The following RGS7 variants were observed in gnomAD, a reference collection of about 807,000 sequenced individuals.
The protein encoded by RGS7 is regulator of G-protein signaling 7.
Under a neutral mutation model 81.1 loss-of-function variants are expected in RGS7, and 27 were observed. The ratio of observed to expected loss-of-function variants is 0.33; its 90% CI spans 0.25 to 0.46. RGS7 has a LOEUF of 0.46. Among genes scored for constraint, RGS7 ranks in the 20% least tolerant of loss-of-function variants. The pLI, the probability that RGS7 is intolerant of heterozygous loss-of-function variation, is 1.00. For missense variants in RGS7, 396 were observed against 607.4 expected (o/e 0.65, Z 3.66); for synonymous variants, 208 against 207.7 (o/e 1.00, Z -0.01).
At chr1:241,267,994 T>C (rs7555920) in intron 2 of RGS7, among the ~76,000 whole-genome samples, 129,314 of 152,206 alleles carry the variant, frequency 0.85, 55,131 homozygotes, top group East Asian at 1. Context: ...CTAAAACATT[T>C]GTATTTCTTG....
chr1:241,071,717 A>T (rs775731517), intron 3 of RGS7, among the ~76,000 whole-genome samples: 10 of 151,222 alleles, frequency 6.6e-5, no homozygotes, highest in South Asian at 2.1e-4. Context: ...AAAAAAATTT[A>T]AAAAAAATTA....
intron 3 of RGS7, among the ~76,000 whole-genome samples, chr1:241,059,659 T>C (rs1033868635): frequency 5.3e-5 from 8 of 152,280 alleles, no homozygotes; most frequent in Admixed American, 5.2e-4. Flanking sequence ...CCTATGCCTT[T>C]GAAGCACCAC....
At chr1:241,280,080 A>T (rs1049523224) in intron 2 of RGS7, among the ~76,000 whole-genome samples, 1 of 152,172 alleles carries the variant, frequency 6.6e-6, no homozygotes, top group Non-Finnish European at 1.5e-5. Context: ...TCAGAACAAG[A>T]TCTTACTTGG....
At chr1:241,001,485 T>A (rs1340986279) in intron 3 of RGS7, among the ~76,000 whole-genome samples, 1 of 152,090 alleles carries the variant, frequency 6.6e-6, no homozygotes, top group Non-Finnish European at 1.5e-5. Context: ...GGCTGATAAA[T>A]ATGAATTCAC....
chr1:241,150,109 C>T (rs1484032350), intron 2 of RGS7, among the ~76,000 whole-genome samples: 5 of 151,988 alleles, frequency 3.3e-5, no homozygotes, highest in South Asian at 2.1e-4. Flanking sequence ...GGGTACAATG[C>T]GTATGAGCTA....
chr1:240,844,287 C>A (rs1036075691), intron 9 of RGS7, among the ~76,000 whole-genome samples: 5 of 152,120 alleles, frequency 3.3e-5, no homozygotes, highest in African/African-American at 1.2e-4. Context: ...CCCCTTCCCT[C>A]CCCGACACCT....
intron 3 of RGS7, 63 bp downstream of exon 3, chr1:241,098,603 C>A: frequency 9.4e-7 from 1 of 1,061,150 alleles, no homozygotes; most frequent in South Asian, 1.3e-5. Context: ...CAGCTGGAAT[C>A]AGTTTTAAAG....
chr1:240,839,463 A>G (rs1695257165), intron 9 of RGS7, among the ~76,000 whole-genome samples: 1 of 152,246 alleles, frequency 6.6e-6, no homozygotes, highest in Admixed American at 6.5e-5. Context: ...AACTGTAACA[A>G]ATAAAATGTG....
intron 2 of RGS7, among the ~76,000 whole-genome samples, chr1:241,146,505 C>T (rs1000061648): frequency 1.2e-4 from 19 of 152,134 alleles, no homozygotes; most frequent in African/African-American, 4.6e-4. Context: ...CGATTGTTCC[C>T]CTATCCTTGC....
At chr1:240,843,873 C>T (rs1287324908) in intron 9 of RGS7, among the ~76,000 whole-genome samples, 2 of 144,354 alleles carry the variant, frequency 1.4e-5, no homozygotes, top group Non-Finnish European at 3.0e-5. Flanking sequence ...ACAATTTGTG[C>T]ATCTGGGGAA....
chr1:241,087,999 CACACACACATATATATAT>C (rs2063569803), intron 3 of RGS7, among the ~76,000 whole-genome samples: 1 of 100,530 alleles, frequency 9.9e-6, no homozygotes, highest in African/African-American at 5.4e-5. Context: ...TATATATACA[CACACACACATATATATAT>C]ACACACACAC....
intron 2 of RGS7, among the ~76,000 whole-genome samples, chr1:241,180,046 A>C (rs957802873): frequency 3.9e-5 from 6 of 152,168 alleles, no homozygotes. Flanking sequence ...GCCAGGTATG[A>C]GATGGATATG....
chr1:241,026,767 T>C (rs565168142), intron 3 of RGS7, among the ~76,000 whole-genome samples: 2 of 151,916 alleles, frequency 1.3e-5, no homozygotes, highest in Admixed American at 1.3e-4. Flanking sequence ...TTAAGTACTG[T>C]GTGAAAATCA....
chr1:240,855,308 C>CAAAAAGA (rs1553325902), intron 9 of RGS7, among the ~76,000 whole-genome samples: 70 of 14,924 alleles, frequency 4.7e-3, no homozygotes, highest in African/African-American at 0.012. Flanking sequence ...GACCATGTCT[C>CAAAAAGA]AAAAAAAAAA....
chr1:241,077,751 G>T (rs1013532599), intron 3 of RGS7, among the ~76,000 whole-genome samples: 2 of 152,158 alleles, frequency 1.3e-5, no homozygotes, highest in Admixed American at 1.3e-4. Context: ...CTTGTTCACT[G>T]GGTAAAGTGA....
chr1:241,319,078 G>T (rs1419776100), intron 2 of RGS7, among the ~76,000 whole-genome samples: 1 of 152,134 alleles, frequency 6.6e-6, no homozygotes, highest in African/African-American at 2.4e-5. Flanking sequence ...AGCTCAACTT[G>T]AAATCCATAC....
intron 2 of RGS7, among the ~76,000 whole-genome samples, chr1:241,313,660 A>G (rs886723691): frequency 2.0e-5 from 3 of 152,252 alleles, no homozygotes; most frequent in Non-Finnish European, 2.9e-5. Context: ...ACATTTTGTA[A>G]GTCTATACCT....
At chr1:240,832,593 A>G (rs977201554) in intron 9 of RGS7, among the ~76,000 whole-genome samples, 3 of 152,224 alleles carry the variant, frequency 2.0e-5, no homozygotes, top group Non-Finnish European at 4.4e-5. Flanking sequence ...AGTTCCTTTC[A>G]TGCGATAGTA....
intron 2 of RGS7, among the ~76,000 whole-genome samples, chr1:241,314,742 G>T (rs944593551): frequency 6.6e-6 from 1 of 152,106 alleles, no homozygotes. Context: ...GCTGTGGTCG[G>T]GCCCAGACAC....
Sources: allele counts gnomAD v4.1 joint callset (sites outside exome capture counted in the v4.1 genomes callset), GRCh38; gene constraint gnomAD v4.1.1; transcripts MANE v1.5; gene names NCBI Gene and HGNC (gene_info 2026-07-23, HGNC 2026-07-21).